RTF1: variants seen among roughly 807,000 people sequenced by gnomAD.
RTF1 encodes the protein RTF1 homolog, Paf1/RNA polymerase II complex component.
A neutral mutation model predicts 95.7 loss-of-function variants in RTF1; 10 were observed. The observed-to-expected ratio is 0.10, with a 90% CI of 0.06 to 0.18. The LOEUF is 0.18. Ranked by LOEUF, RTF1 falls within the 10% of genes least tolerant of loss-of-function variation. The probability of loss-of-function intolerance (pLI) is 1.00; values close to 1 mark genes in which losing one functional copy is unlikely to be tolerated. For synonymous variants in RTF1, 305 were observed against 311.8 expected, an observed-to-expected ratio of 0.98 and a Z score of 0.23; for missense variants, 458 against 875.6, an observed-to-expected ratio of 0.52 and a Z score of 6.02.
chr15:41,455,685 G>A (rs2050810318), intron 3 of RTF1, among the ~76,000 whole-genome samples: 2 of 151,276 alleles, frequency 1.3e-5, no homozygotes, highest in Non-Finnish European at 2.9e-5. Context: ...CGCTCCTGTG[G>A]TCCCAGCTAC....
chr15:41,456,745 G>A (rs1444155451), intron 3 of RTF1, among the ~76,000 whole-genome samples: 4 of 151,844 alleles, frequency 2.6e-5, no homozygotes, highest in Non-Finnish European at 4.4e-5. Context: ...AGCCGAGATC[G>A]CGCTGCTGCA....
intron 1 of RTF1, among the ~76,000 whole-genome samples, chr15:41,426,858 T>G (rs1035152758): frequency 2.0e-5 from 3 of 148,440 alleles, no homozygotes; most frequent in African/African-American, 7.4e-5. Flanking sequence ...TTGTTTGTTT[T>G]TTAGGCAGAG....
intron 1 of RTF1, among the ~76,000 whole-genome samples, chr15:41,430,978 C>T (rs2050667353): frequency 6.6e-6 from 1 of 151,848 alleles, no homozygotes; most frequent in African/African-American, 2.4e-5. Flanking sequence ...TCTCGGCTCA[C>T]TGCAACCTCC....
intron 4 of RTF1, among the ~76,000 whole-genome samples, chr15:41,464,397 C>T (rs570797245): frequency 2.7e-4 from 40 of 147,772 alleles, no homozygotes; most frequent in Non-Finnish European, 5.3e-4. Context: ...TACAAGTGTG[C>T]GCCACCATGC....
In RTF1 at chr15:41,483,059, G is replaced by A. The variant is rs148637682; in HGVS notation, c.*2372G>A. On this transcript the variant is annotated 3_prime_UTR_variant, in exon 18 of 18. Coordinates refer to ENST00000389629, the MANE Select transcript of RTF1 (RefSeq NM_015138.5). ...CCACGAGATGCCAATGCACACAGCA[G>A]GGAGAAAAGCCAACCAAAGAAGACC... The A allele has an allele frequency of 6.5e-6, 1 of 152,884 alleles. No homozygotes were observed. Among genetic ancestry groups the A allele is most frequent in the East Asian group, 1.9e-4 (1 of 5,184 alleles). The allele number at this position is 152,884 out of a possible 1,614,324, so 9.5% of individuals were successfully genotyped here. A position where few individuals can be genotyped will look rare whatever the true frequency, so the allele number is the denominator to read the frequency against.
At chr15:41,442,461 T>C (rs947721406) in intron 2 of RTF1, among the ~76,000 whole-genome samples, 2 of 151,488 alleles carry the variant, frequency 1.3e-5, no homozygotes, top group African/African-American at 4.8e-5. Context: ...GCCACCATCA[T>C]AATGATTATT....
At chr15:41,476,318 G>A in intron 11 of RTF1, 128 bp from the exon 12 acceptor site, 2 of 716,040 alleles carry the variant, frequency 2.8e-6, no homozygotes, top group Non-Finnish European at 2.5e-6. Flanking sequence ...TCTCTCTGGG[G>A]CATGACACTG....
intron 4 of RTF1, among the ~76,000 whole-genome samples, chr15:41,460,413 G>A (rs780309707): frequency 5.9e-5 from 9 of 152,066 alleles, no homozygotes; most frequent in Middle Eastern, 3.4e-3. Flanking sequence ...GTGAGCCACC[G>A]CGCTCGGCTT....
At chr15:41,439,697 G>A (rs1418134013) in intron 2 of RTF1, among the ~76,000 whole-genome samples, 1 of 152,118 alleles carries the variant, frequency 6.6e-6, no homozygotes, top group East Asian at 1.9e-4. Context: ...TATCGCCCAG[G>A]CCAGAGTGCA....
In RTF1 at chr15:41,417,153, C is replaced by G; in HGVS notation, c.38C>G (p.Ala13Gly). 1 of 1,259,700 alleles carries G rather than the reference C, an allele frequency of 7.9e-7. No individual in the cohort carries two copies. Among genetic ancestry groups the G allele is most frequent in the Non-Finnish European group, 1.0e-6 (1 of 998,206 alleles). 78.0% of individuals were successfully genotyped at this position (1,259,700 alleles called of 1,614,324 possible). ...GRLCVGRAAA[A>G]AAAVAVPLAG... ...CTTTGTGTGGGTCGAGCAGCGGCGG[C>G]GGCGGCGGCAGTGGCGGTCCCACTG... Residue 13 changes from alanine to glycine, a missense_variant, in exon 1 of 18, where the codon GCG becomes GGG. By Grantham distance (60) the Ala-to-Gly change is moderately conservative. Transcript: ENST00000389629.
chr15:41,474,166 G>A (rs921031773), intron 8 of RTF1, among the ~76,000 whole-genome samples: 5 of 152,010 alleles, frequency 3.3e-5, no homozygotes, highest in South Asian at 2.1e-4. Context: ...CCTGAACCTC[G>A]GCGCCCAGCC....
At chr15:41,458,238 CT>C (rs1195199145) in intron 4 of RTF1, among the ~76,000 whole-genome samples, 7 of 152,142 alleles carry the variant, frequency 4.6e-5, no homozygotes, top group Admixed American at 4.6e-4. Context: ...AAGGGAGAGA[CT>C]TTGTCCTTTT....
intron 3 of RTF1, among the ~76,000 whole-genome samples, chr15:41,454,404 T>C (rs1165706140): frequency 6.6e-6 from 1 of 152,188 alleles, no homozygotes; most frequent in Non-Finnish European, 1.5e-5. Flanking sequence ...AAAAAATTTT[T>C]TTTTTAATGC....
chr15:41,479,313 CT>C (rs1566850901), intron 16 of RTF1, 115 bp downstream of exon 16: 1 of 646,398 alleles, frequency 1.5e-6, no homozygotes, highest in Non-Finnish European at 2.8e-6. Context: ...GGGAGTCCCT[CT>C]TGGAGTCCCT....
chr15:41,481,337 CTT>C lies in RTF1; in HGVS notation c.*652_*653del, dbSNP rs1324889794. 3 of 151,704 alleles carry C rather than the reference CTT, an allele frequency of 2.0e-5. No homozygotes were observed. The highest frequency in any genetic ancestry group is 4.9e-5 in the African/African-American group (2 of 40,992). The allele number at this position is 151,704 out of a possible 1,614,324, so 9.4% of individuals were successfully genotyped here. On this transcript the variant is annotated 3_prime_UTR_variant, in exon 18 of 18. Coordinates refer to ENST00000389629, the MANE Select transcript of RTF1 (RefSeq NM_015138.5). ...TATCATTTTTTTAAAATGCAGTACT[CTT>C]TGTATCAGTCTGTCATGGGTCTATA...
intron 1 of RTF1, among the ~76,000 whole-genome samples, chr15:41,418,418 C>T (rs2050582745): frequency 6.6e-6 from 1 of 151,948 alleles, no homozygotes; most frequent in African/African-American, 2.4e-5. Flanking sequence ...TTGTAAAGAT[C>T]AAGTGTTTGT....
chr15:41,444,827 GC>G (rs1355023142), intron 2 of RTF1, among the ~76,000 whole-genome samples: 2 of 152,186 alleles, frequency 1.3e-5, no homozygotes, highest in Non-Finnish European at 2.9e-5. Flanking sequence ...GGGTCAGGAA[GC>G]CAGGGAATGC....
intron 4 of RTF1, among the ~76,000 whole-genome samples, chr15:41,462,910 C>G (rs549872189): frequency 6.6e-6 from 1 of 152,278 alleles, no homozygotes; most frequent in African/African-American, 2.4e-5. Context: ...CGTGTGCCAC[C>G]ACCTGGCCAA....
At chr15:41,445,227 G>T (rs895184418) in intron 2 of RTF1, among the ~76,000 whole-genome samples, 1 of 152,126 alleles carries the variant, frequency 6.6e-6, no homozygotes, top group Non-Finnish European at 1.5e-5. Flanking sequence ...GAGCCACTGC[G>T]CCCGGCCTCA....
Sources: allele counts gnomAD v4.1 joint callset (sites outside exome capture counted in the v4.1 genomes callset), GRCh38; gene constraint gnomAD v4.1.1; transcripts MANE v1.5; gene names NCBI Gene and HGNC (gene_info 2026-07-23, HGNC 2026-07-21).